Variants in RUNDC3B observed in about 807,000 individuals in gnomAD.
The protein encoded by RUNDC3B is RUN domain-containing protein 3B.
A neutral mutation model predicts 58.4 loss-of-function variants in RUNDC3B; 33 were observed. The ratio of observed to expected loss-of-function variants is 0.56; its 90% confidence interval spans 0.43 to 0.75. The LOEUF (loss-of-function observed/expected upper bound fraction) is 0.75. Among genes scored for constraint, RUNDC3B ranks in the 30% least tolerant of loss-of-function variants. The pLI is 0.00. For synonymous variants in RUNDC3B, 193 were observed against 195.2 expected (o/e 0.99, Z 0.10); for missense variants, 501 against 535.7 (o/e 0.94, Z 0.64).
intron 9 of RUNDC3B, among the ~76,000 whole-genome samples, chr7:87,810,511 G>A (rs920726653): frequency 2.0e-5 from 3 of 152,176 alleles, no homozygotes; most frequent in Non-Finnish European, 2.9e-5. Flanking sequence ...GGAACTCAGA[G>A]TAGGGGGACA....
At chr7:87,677,294 C>G (rs2130563760) in intron 2 of RUNDC3B, among the ~76,000 whole-genome samples, 1 of 149,490 alleles carries the variant, frequency 6.7e-6, no homozygotes, top group South Asian at 2.1e-4. Flanking sequence ...CACACACACA[C>G]ACACACACAC....
intron 6 of RUNDC3B, among the ~76,000 whole-genome samples, chr7:87,744,645 T>A (rs1165969928): frequency 1.3e-5 from 2 of 152,220 alleles, no homozygotes; most frequent in Non-Finnish European, 2.9e-5. Flanking sequence ...ATAGAAGAGT[T>A]ACTGATTTGT....
At chr7:87,812,344 C>T (rs1389557087) in intron 9 of RUNDC3B, among the ~76,000 whole-genome samples, 1 of 152,136 alleles carries the variant, frequency 6.6e-6, no homozygotes, top group African/African-American at 2.4e-5. Flanking sequence ...CACAGTGGCT[C>T]ACATTTGTAA....
At chr7:87,674,655 G>C (rs545590784) in intron 2 of RUNDC3B, among the ~76,000 whole-genome samples, 3 of 152,200 alleles carry the variant, frequency 2.0e-5, no homozygotes, top group South Asian at 2.1e-4. Flanking sequence ...GCAGGGGCTG[G>C]TCTGTTGGAA....
chr7:87,775,810 T>A (rs2188829), intron 7 of RUNDC3B, among the ~76,000 whole-genome samples: 57 of 152,286 alleles, frequency 3.7e-4, no homozygotes, highest in Non-Finnish European at 7.4e-4. Context: ...CTAGGAACAA[T>A]AGGCTATACC....
chr7:87,736,873 ATATATATATATATATATTTTTTT>A (rs1267347308), intron 4 of RUNDC3B, among the ~76,000 whole-genome samples: 39 of 37,604 alleles, frequency 1.0e-3, no homozygotes, highest in African/African-American at 3.7e-3. Flanking sequence ...ATATATATAT[ATATATATATATATATATTTTTTT>A]TTTTTTTTTT....
Position 87,751,379 on chromosome 7 carries a change from A to T in RUNDC3B, c.629+9800A>T, listed in dbSNP as rs1057277779. Among the ~76,000 whole-genome samples the T allele has an allele frequency of 5.9e-5, 9 of 152,008 alleles. 1 individual carries two copies. Among genetic ancestry groups the T allele is most frequent in the African/African-American group, 2.2e-4 (9 of 41,362 alleles). On this transcript the variant is annotated intron_variant, in intron 6 of 10. Coordinates refer to ENST00000394654, the MANE Select transcript of RUNDC3B (RefSeq NM_001134405.2). ...GTGATGCGGGCTCTTTTTTTATTCC[A>T]CATGAACTTTAAAGTAGTTTTTTCC...
chr7:87,675,595 A>G (rs1035557206), intron 2 of RUNDC3B, among the ~76,000 whole-genome samples: 1 of 150,936 alleles, frequency 6.6e-6, no homozygotes, highest in African/African-American at 2.4e-5. Context: ...AAGAGTACAC[A>G]ATAGGGAAAG....
At chr7:87,811,578 C>T (rs1836718896) in intron 9 of RUNDC3B, among the ~76,000 whole-genome samples, 1 of 152,084 alleles carries the variant, frequency 6.6e-6, no homozygotes, top group Non-Finnish European at 1.5e-5. Context: ...CCTCATGACC[C>T]ACCCAAAGTG....
At chr7:87,793,080 T>C (rs1416161933) in intron 8 of RUNDC3B, among the ~76,000 whole-genome samples, 1 of 152,078 alleles carries the variant, frequency 6.6e-6, no homozygotes, top group Non-Finnish European at 1.5e-5. Context: ...TCTACGTCAA[T>C]AAATTGGAAA....
At chr7:87,759,507 A>G (rs564541052) in intron 6 of RUNDC3B, among the ~76,000 whole-genome samples, 1 of 152,218 alleles carries the variant, frequency 6.6e-6, no homozygotes, top group East Asian at 1.9e-4. Context: ...CAAAGAAATG[A>G]CACATGTGGT....
chr7:87,827,111 T>C (rs1326675642), intron 10 of RUNDC3B, among the ~76,000 whole-genome samples: 2 of 152,128 alleles, frequency 1.3e-5, no homozygotes, highest in Non-Finnish European at 1.5e-5. Context: ...TATAACTATA[T>C]ACATAAAATT....
At chr7:87,638,080 T>A (rs1411154221) in intron 1 of RUNDC3B, among the ~76,000 whole-genome samples, 1 of 152,140 alleles carries the variant, frequency 6.6e-6, no homozygotes, top group African/African-American at 2.4e-5. Flanking sequence ...GTCTTTCAAG[T>A]AAACGTGATT....
intron 2 of RUNDC3B, among the ~76,000 whole-genome samples, chr7:87,697,968 T>C (rs1563142194): frequency 1.3e-5 from 2 of 152,126 alleles, no homozygotes; most frequent in Non-Finnish European, 2.9e-5. Context: ...AGACAAACTA[T>C]ATTGAGGCAT....
chr7:87,827,132 T>G (rs988559151), intron 10 of RUNDC3B, among the ~76,000 whole-genome samples: 1 of 152,112 alleles, frequency 6.6e-6, no homozygotes, highest in Non-Finnish European at 1.5e-5. Flanking sequence ...ACAACAAAAT[T>G]ATGATTTATT....
chr7:87,683,620 T>C (rs1428830936), intron 2 of RUNDC3B, among the ~76,000 whole-genome samples: 3 of 152,196 alleles, frequency 2.0e-5, no homozygotes, highest in Non-Finnish European at 2.9e-5. Context: ...AAGCTTGCCA[T>C]TTTATACAGG....
rs28381735 is a variant in RUNDC3B at position 87,696,630 on chromosome 7, T to C, written c.239-3791T>C. On this transcript the variant is annotated intron_variant, in intron 2 of 10. Transcript: ENST00000394654. ...ATCTTTCTGAATGTGAAAAATTCAGTGTCTTGAATTAAGAGCTTCACTTTG... is the reference window on the plus strand; with the variant it reads ...ATCTTTCTGAATGTGAAAAATTCAGCGTCTTGAATTAAGAGCTTCACTTTG... 3.3e-5 allele frequency among the ~76,000 whole-genome samples: 5 copies of C among 152,200 alleles called. No homozygotes were observed. In the East Asian group the frequency reaches 9.7e-4, roughly 29 times the overall value.
intron 9 of RUNDC3B, among the ~76,000 whole-genome samples, chr7:87,811,910 CAAAG>C (rs534676599): frequency 1.0e-3 from 153 of 152,200 alleles, no homozygotes; most frequent in African/African-American, 3.4e-3. Flanking sequence ...TCTGTGAAAA[CAAAG>C]AACAAAAAGT....
intron 6 of RUNDC3B, among the ~76,000 whole-genome samples, chr7:87,764,286 TGGG>T (rs1357041013): frequency 6.6e-6 from 1 of 151,912 alleles, no homozygotes; most frequent in African/African-American, 2.4e-5. Flanking sequence ...ACAGTTATAC[TGGG>T]TCTAGTCTTT....
Sources: allele counts gnomAD v4.1 joint callset (sites outside exome capture counted in the v4.1 genomes callset), GRCh38; gene constraint gnomAD v4.1.1; transcripts MANE v1.5; gene names NCBI Gene and HGNC (gene_info 2026-07-23, HGNC 2026-07-21).